The following FBXL22 variants were observed in gnomAD, a reference collection of about 807,000 sequenced individuals.
The protein encoded by FBXL22 is F-box and leucine-rich protein 22.
Under a neutral mutation model 11.7 loss-of-function variants are expected in FBXL22, and 13 were observed. The ratio of observed to expected loss-of-function variants is 1.11; its 90% confidence interval spans 0.73 to 1.77. The LOEUF (loss-of-function observed/expected upper bound fraction) is 1.77. Among genes scored for constraint, FBXL22 ranks in the 40% most tolerant of loss-of-function variants. The pLI is 0.00. For missense variants in FBXL22, 406 were observed against 320.4 expected (o/e 1.27, Z -2.04); for synonymous variants, 160 against 144.1 (o/e 1.11, Z -0.79).
intron 1 of FBXL22, among the ~76,000 whole-genome samples, chr15:63,598,060 A>G (rs2067301802): frequency 6.6e-6 from 1 of 152,158 alleles, no homozygotes; most frequent in South Asian, 2.1e-4. Context: ...TTTCAAGGTC[A>G]GGCTCTGGGA....
downstream of FBXL22, among the ~76,000 whole-genome samples, chr15:63,605,943 C>A (rs1199429243): frequency 6.6e-6 from 1 of 152,196 alleles, no homozygotes; most frequent in Non-Finnish European, 1.5e-5. Context: ...TCCAGATCTC[C>A]CCCAGGAGGC....
At chr15:63,601,939 T>C, downstream of FBXL22, 3 of 521,946 alleles carry the variant, frequency 5.7e-6, no homozygotes, top group Non-Finnish European at 9.8e-6. Flanking sequence ...GGCTTCCAAT[T>C]TGAATTTCAG....
intron 1 of FBXL22, among the ~76,000 whole-genome samples, chr15:63,598,668 T>C (rs965868469): frequency 1.3e-5 from 2 of 152,202 alleles, no homozygotes; most frequent in African/African-American, 4.8e-5. Context: ...CTCAGCCAGT[T>C]TACTGCCACC....
At chr15:63,600,042 C>G (rs958166850) in intron 1 of FBXL22, 2 of 985,590 alleles carry the variant, frequency 2.0e-6, no homozygotes, top group Non-Finnish European at 1.2e-6. Flanking sequence ...GGCCAAGCGA[C>G]CTGGGTGGGT....
downstream of FBXL22, among the ~76,000 whole-genome samples, chr15:63,603,613 C>T (rs773967798): frequency 2.6e-5 from 4 of 152,218 alleles, no homozygotes; most frequent in Non-Finnish European, 4.4e-5. Context: ...GAAGTCCCAG[C>T]GGCCCTGGAT....
rs1247140446 is a variant in FBXL22, at chr15:63,600,833, T to C, written c.490T>C (p.Leu164=). 33 of 1,230,442 alleles carry C rather than the reference T, an allele frequency of 2.7e-5. No homozygotes were observed. Among genetic ancestry groups the C allele is most frequent in the Non-Finnish European group, 3.2e-5 (32 of 987,200 alleles). The allele number at this position is 1,230,442 out of a possible 1,614,324, so 76.2% of individuals were successfully genotyped here. The stretch of plus-strand genomic sequence containing the variant: ...CTGCGCGCGCGTCACCAACCGCACG[T>C]TGGCTGCCGTGGCGGCGGACGGGCG... ...ENCARVTNRT[L]AAVAADGRAL... Residue 164 remains leucine (L), a synonymous_variant, in exon 2 of 2, where the codon TTG becomes CTG. Coordinates refer to ENST00000638704, the MANE Select transcript of FBXL22 (RefSeq NM_001367807.1).
downstream of FBXL22, among the ~76,000 whole-genome samples, chr15:63,605,026 A>C (rs1430592928): frequency 6.6e-6 from 1 of 152,102 alleles, no homozygotes; most frequent in Non-Finnish European, 1.5e-5. Flanking sequence ...CACTCACTGC[A>C]CAGCCTGCGC....
At position 63,597,549 on chromosome 15, in the gene FBXL22, C is replaced by G. The variant is rs767797107; in HGVS notation, c.157C>G (p.His53Asp). 1.2e-6 allele frequency: 2 copies of G among 1,614,194 alleles called. No homozygotes were observed. Among genetic ancestry groups the G allele is most frequent in the Non-Finnish European group, 1.7e-6 (2 of 1,180,046 alleles). Reference sequence around the variant, plus strand: ...GGACCCCGCACTCTGGTCCCTGCTGCACTTCCGTTCCCTCACTGAACTCCA... The same window carrying G: ...GGACCCCGCACTCTGGTCCCTGCTGGACTTCCGTTCCCTCACTGAACTCCA... ...FEDPALWSLL[H>D]FRSLTELQKD... is the part of the protein sequence containing the mutation. The change falls in exon 1 of 2, where the codon CAC (histidine) becomes GAC (aspartate). Residue 53 changes from histidine (H) to aspartate (D), a missense_variant. Physicochemically the swap from His to Asp is moderately conservative, Grantham distance 81. Coordinates refer to ENST00000638704, the MANE Select transcript of FBXL22 (RefSeq NM_001367807.1). This position sits in a 1 kb window ranked among gnomAD's most constrained non-coding sequence, Gnocchi z 4.3.
chr15:63,604,954 A>C (rs2067406208), downstream of FBXL22, among the ~76,000 whole-genome samples: 1 of 152,118 alleles, frequency 6.6e-6, no homozygotes, highest in Non-Finnish European at 1.5e-5. Context: ...TGGGAGGCTG[A>C]GATGGGAGAA....
At chr15:63,603,759 G>A (rs550452461), downstream of FBXL22, among the ~76,000 whole-genome samples, 8 of 152,380 alleles carry the variant, frequency 5.3e-5, 1 homozygote, top group African/African-American at 1.9e-4. Context: ...CCCTGGCCCA[G>A]CATAATCCCT....
chr15:63,600,409 G>T, intron 1 of FBXL22: 1 of 1,176,182 alleles, frequency 8.5e-7, no homozygotes, highest in Non-Finnish European at 1.1e-6. Context: ...GTCCACAGCC[G>T]CCCCAGGACT....
chr15:63,597,805 G>A lies in FBXL22; in HGVS notation c.353+60G>A. The stretch of plus-strand genomic sequence containing the variant: ...CGCTAGCTCTGGCTTCCCTCTTGGG[G>A]GGCAGGGAAGAGCAAATTACGAGAC... On this transcript the variant is annotated intron_variant, in intron 1 of 1. Transcript: ENST00000638704. The surrounding 1 kb of genome is among the most constrained non-coding windows in gnomAD (Gnocchi z 4.3). The A allele has an allele frequency of 6.8e-7, 1 of 1,465,734 alleles. No individual in the cohort carries two copies. The highest frequency in any genetic ancestry group is 9.1e-7 in the Non-Finnish European group (1 of 1,098,914). 90.8% of individuals were successfully genotyped at this position (1,465,734 alleles called of 1,614,324 possible).
downstream of FBXL22, among the ~76,000 whole-genome samples, chr15:63,604,434 A>G (rs958354672): frequency 1.3e-5 from 2 of 152,178 alleles, no homozygotes; most frequent in African/African-American, 2.4e-5. Flanking sequence ...GAACTCAAGC[A>G]GTGCTGGCAG....
the FBXL22 span, among the ~76,000 whole-genome samples, chr15:63,607,894 A>C: frequency 1.3e-5 from 2 of 152,172 alleles, no homozygotes; most frequent in Non-Finnish European, 2.9e-5. Context: ...CCTTTCCCCC[A>C]GAAACACAGG....
chr15:63,600,605 C>T (rs1346102730), intron 1 of FBXL22, 92 bp from the exon 2 acceptor site: 2 of 1,230,146 alleles, frequency 1.6e-6, no homozygotes, highest in African/African-American at 1.6e-5. Flanking sequence ...GGGCCCGAGT[C>T]CTCCTCGGTA....
At position 63,600,647 on chromosome 15, in the gene FBXL22, G is replaced by C. The variant is rs1252518576; in HGVS notation, c.354-50G>C. The stretch of plus-strand genomic sequence containing the variant: ...TCCACTCGGTCCCATGGGGCGGTTG[G>C]GTAGCTTTAACAAGCCAGTGAGCCC... On this transcript the variant is annotated intron_variant, in intron 1 of 1. Coordinates refer to ENST00000638704, the MANE Select transcript of FBXL22 (RefSeq NM_001367807.1). 4 of 1,231,030 alleles carry C rather than the reference G, an allele frequency of 3.2e-6. No individual in the cohort carries two copies. The Admixed American group carries it at 1.7e-4, about 52-fold the overall frequency. 76.3% of individuals were successfully genotyped at this position (1,231,030 alleles called of 1,614,324 possible).
At chr15:63,599,576 G>A (rs1183396503) in intron 1 of FBXL22, 1 of 1,023,672 alleles carries the variant, frequency 9.8e-7, no homozygotes, top group Non-Finnish European at 1.2e-6. Context: ...ACACAAACCT[G>A]AAGGAGGCCC....
chr15:63,604,061 T>C (rs1423544431), downstream of FBXL22, among the ~76,000 whole-genome samples: 1 of 152,166 alleles, frequency 6.6e-6, no homozygotes, highest in African/African-American at 2.4e-5. Context: ...TATGTTCTAT[T>C]TGTCCTAAAT....
At chr15:63,607,716 A>G in the FBXL22 span, among the ~76,000 whole-genome samples, 1 of 152,172 alleles carries the variant, frequency 6.6e-6, no homozygotes, top group African/African-American at 2.4e-5. Flanking sequence ...TCTGTCTGGC[A>G]CCTCATTTGA....
Sources: gnomAD v4.1 joint callset for allele counts (sites outside exome capture counted in the v4.1 genomes callset) on GRCh38, gnomAD v4.1.1 for gene constraint, Gnocchi (gnomAD v3.1) non-coding constraint, MANE v1.5 for transcripts, NCBI Gene and HGNC (gene_info 2026-07-23, HGNC 2026-07-21) for gene names.